The following COG5 variants were observed in gnomAD, a reference collection of about 807,000 sequenced individuals.
The protein encoded by COG5 is component of oligomeric golgi complex 5, also known as conserved oligomeric Golgi complex subunit 5.
COG5 carries 86 observed loss-of-function variants against 110.4 expected under a neutral mutation model. The ratio of observed to expected loss-of-function variants is 0.78; its 90% confidence interval spans 0.65 to 0.93. COG5 has a LOEUF of 0.93. Ranked by LOEUF, COG5 falls within the 40% of genes least tolerant of loss-of-function variation. The probability of loss-of-function intolerance (pLI) is 0.00; values close to 1 mark genes in which losing one functional copy is unlikely to be tolerated. For synonymous variants in COG5, 360 were observed against 334.6 expected (o/e 1.08, Z -0.83); for missense variants, 1,077 against 987.0 (o/e 1.09, Z -1.22).
rs746304615 is a variant in COG5 at position 107,558,032 on chromosome 7, G to T, written c.178C>A (p.Gln60Lys). 5 of 1,613,812 alleles carry T rather than the reference G, an allele frequency of 3.1e-6. No individual in the cohort carries two copies. The highest frequency in any genetic ancestry group is 2.5e-6 in the Non-Finnish European group (3 of 1,179,948). The stretch of plus-strand genomic sequence containing the variant: ...ATTCCTTGGGCAAGTTTTGCTAGTT[G>T]TTCAGCAATTACAGCTTGATGAATA... ...QSIHQAVIAE[Q>K]LAKLAQGISQ... Residue 60 changes from glutamine to lysine, a missense_variant, in exon 2 of 22, where the codon CAA (glutamine) becomes AAA (lysine). Gln to Lys is a moderately conservative substitution (Grantham distance 53). Coordinates refer to ENST00000297135, the MANE Select transcript of COG5 (RefSeq NM_006348.5).
chr7:107,243,261 C>T (rs562701829), intron 17 of COG5, among the ~76,000 whole-genome samples: 13 of 152,138 alleles, frequency 8.5e-5, no homozygotes, highest in Non-Finnish European at 1.6e-4. Context: ...CGCCTGTAGT[C>T]CCAGCACCTT....
chr7:107,562,895 C>T (rs902318536), intron 1 of COG5, among the ~76,000 whole-genome samples: 9 of 152,092 alleles, frequency 5.9e-5, no homozygotes, highest in African/African-American at 2.2e-4. Flanking sequence ...CATTCTGCAC[C>T]TACTGTATGC....
intron 6 of COG5, among the ~76,000 whole-genome samples, chr7:107,525,826 C>A (rs997411781): frequency 6.6e-6 from 1 of 152,174 alleles, no homozygotes; most frequent in Non-Finnish European, 1.5e-5. Flanking sequence ...TCAAGCAATT[C>A]TGCCTGCCTC....
In COG5 at chr7:107,520,720, C is replaced by G. The variant is rs149775542; in HGVS notation, c.538+6517G>C. Among the ~76,000 whole-genome samples the G allele has an allele frequency of 8.4e-3, 1,278 of 152,240 alleles. 26 individuals are homozygous for G. Among genetic ancestry groups the G allele is most frequent in the African/African-American group, 0.028 (1,167 of 41,536 alleles). The stretch of plus-strand genomic sequence containing the variant: ...ATACTGTGAAAATGGCCATACTATC[C>G]AAAGTAATTTATAGATTCAATGCTA... On this transcript the variant is annotated intron_variant, in intron 6 of 21. Coordinates refer to ENST00000297135, the MANE Select transcript of COG5 (RefSeq NM_006348.5).
chr7:107,295,058 CACACACACATATATAT>C (rs1313258707), intron 12 of COG5, among the ~76,000 whole-genome samples: 3 of 62,110 alleles, frequency 4.8e-5, no homozygotes, highest in South Asian at 4.6e-4. Context: ...CACACACACA[CACACACACATATATAT>C]ATATATATAT....
intron 13 of COG5, among the ~76,000 whole-genome samples, chr7:107,282,553 G>A (rs149096806): frequency 0.013 from 2,017 of 152,118 alleles, 51 homozygotes; most frequent in African/African-American, 0.045. Context: ...ACAGGGTTTC[G>A]CTCTGTCAGC....
At chr7:107,222,346 G>A (rs757123064) in intron 19 of COG5, among the ~76,000 whole-genome samples, 4 of 152,142 alleles carry the variant, frequency 2.6e-5, no homozygotes, top group Non-Finnish European at 5.9e-5. Context: ...CAGGATTACA[G>A]GGGCGCATGG....
intron 6 of COG5, among the ~76,000 whole-genome samples, chr7:107,453,487 A>C (rs1258331616): frequency 6.6e-6 from 1 of 152,172 alleles, no homozygotes; most frequent in African/African-American, 2.4e-5. Context: ...CTCTTGTCTC[A>C]GCAAATAAAC....
intron 16 of COG5, among the ~76,000 whole-genome samples, chr7:107,252,196 C>A (rs1802568922): frequency 1.3e-5 from 2 of 152,104 alleles, no homozygotes; most frequent in Admixed American, 6.5e-5. Flanking sequence ...ATAGCCACTG[C>A]ACTCCAGCCT....
intron 14 of COG5, among the ~76,000 whole-genome samples, chr7:107,271,021 T>TACTATAA (rs901287469): frequency 8.6e-5 from 13 of 151,474 alleles, no homozygotes; most frequent in South Asian, 6.3e-4. Flanking sequence ...ACCTGGCCTT[T>TACTATAA]ACTATAACTT....
intron 5 of COG5, among the ~76,000 whole-genome samples, chr7:107,530,331 G>C (rs1377094011): frequency 6.6e-6 from 1 of 152,168 alleles, no homozygotes; most frequent in African/African-American, 2.4e-5. Context: ...GCCGGACGCA[G>C]TGGCTTATGC....
At chr7:107,293,283 C>G (rs1333450479) in intron 12 of COG5, among the ~76,000 whole-genome samples, 1 of 152,130 alleles carries the variant, frequency 6.6e-6, no homozygotes, top group Non-Finnish European at 1.5e-5. Flanking sequence ...CCTCGCTTAC[C>G]TGAAAGTTAG....
At chr7:107,396,287 C>G (rs759764025) in intron 7 of COG5, among the ~76,000 whole-genome samples, 1 of 152,134 alleles carries the variant, frequency 6.6e-6, no homozygotes. Flanking sequence ...AGTAGCTTTG[C>G]TGATTCAGTA....
chr7:107,369,535 C>T (rs1025453006), intron 8 of COG5, among the ~76,000 whole-genome samples: 3 of 151,736 alleles, frequency 2.0e-5, no homozygotes, highest in South Asian at 4.2e-4. Context: ...TACAGGCATG[C>T]GCCACCACGC....
chr7:107,552,103 T>C (rs901142763), intron 3 of COG5, among the ~76,000 whole-genome samples: 5 of 152,190 alleles, frequency 3.3e-5, no homozygotes, highest in African/African-American at 1.2e-4. Flanking sequence ...CATTATAAAC[T>C]AAAACACATA....
chr7:107,412,600 T>C lies in COG5; in HGVS notation c.571A>G (p.Ile191Val), dbSNP rs1584789815. The change falls in exon 7 of 22, where the codon ATA becomes GTA. Residue 191 changes from isoleucine (I) to valine (V), a missense_variant. Transcript: ENST00000297135. ...AGTAGATCATTTTCTATCACTTCTA[T>C]TCCAGAAAGATCTATTCCTTGAGAA... Reference protein sequence around the residue: ...YLSQGIDLSGIEVIENDLLFI... With the variant: ...YLSQGIDLSGVEVIENDLLFI... 1 of 1,572,484 alleles carries C rather than the reference T, an allele frequency of 6.4e-7. No individual in the cohort carries two copies. The highest frequency in any genetic ancestry group is 8.7e-7 in the Non-Finnish European group (1 of 1,143,210).
At chr7:107,347,363 T>A (rs1329063804) in intron 10 of COG5, among the ~76,000 whole-genome samples, 1 of 152,122 alleles carries the variant, frequency 6.6e-6, no homozygotes, top group Admixed American at 6.6e-5. Flanking sequence ...AGAGAATGAA[T>A]CAGTATAAAA....
intron 10 of COG5, among the ~76,000 whole-genome samples, chr7:107,338,277 T>G (rs924318265): frequency 6.6e-6 from 1 of 152,070 alleles, no homozygotes; most frequent in Non-Finnish European, 1.5e-5. Context: ...CAAAACAGTA[T>G]GGTACCGGTA....
Position 107,475,217 on chromosome 7 carries a change from T to C in COG5, c.538+52020A>G, listed in dbSNP as rs761169191. On this transcript the variant is annotated intron_variant, in intron 6 of 21. Coordinates refer to ENST00000297135, the MANE Select transcript of COG5 (RefSeq NM_006348.5). ...TTGAAAAGTAAAATGAAAAAGCGAGTTGTTTCTATAGTAGAAGCTGATCCC... is the reference window on the plus strand; with the variant it reads ...TTGAAAAGTAAAATGAAAAAGCGAGCTGTTTCTATAGTAGAAGCTGATCCC... 47 of 1,611,250 alleles carry C rather than the reference T, an allele frequency of 2.9e-5. No homozygotes were observed. In the South Asian group the frequency reaches 3.8e-4, roughly 13 times the overall value.
Sources: allele counts gnomAD v4.1 joint callset (sites outside exome capture counted in the v4.1 genomes callset), GRCh38; gene constraint gnomAD v4.1.1; transcripts MANE v1.5; gene names NCBI Gene and HGNC (gene_info 2026-07-23, HGNC 2026-07-21).